The following FHIT variants were observed in gnomAD, a reference collection of about 807,000 sequenced individuals.
FHIT encodes the protein fragile histidine triad diadenosine triphosphatase.
Under a neutral mutation model 17.9 loss-of-function variants are expected in FHIT, and 19 were observed. The ratio of observed to expected loss-of-function variants is 1.06; its 90% CI spans 0.74 to 1.56. FHIT has a LOEUF of 1.56. FHIT is among the 40% of genes most tolerant of loss of function. The probability of loss-of-function intolerance (pLI) is 0.00; values close to 1 mark genes in which losing one functional copy is unlikely to be tolerated. For synonymous variants in FHIT, 81 were observed against 69.7 expected (o/e 1.16, Z -0.81); for missense variants, 248 against 189.2 (o/e 1.31, Z -1.82).
intron 7 of FHIT, among the ~76,000 whole-genome samples, chr3:59,996,350 C>T (rs933788329): frequency 2.0e-5 from 3 of 151,908 alleles, no homozygotes; most frequent in Non-Finnish European, 4.4e-5. Flanking sequence ...AAGATTCACC[C>T]CATCAATTTA....
At chr3:60,290,057 A>G (rs1707911153) in intron 5 of FHIT, among the ~76,000 whole-genome samples, 1 of 152,182 alleles carries the variant, frequency 6.6e-6, no homozygotes, top group Non-Finnish European at 1.5e-5. Context: ...TCTTATCACA[A>G]TACTGTTTCT....
At chr3:60,724,651 T>C (rs1173007062) in intron 4 of FHIT, among the ~76,000 whole-genome samples, 4 of 139,672 alleles carry the variant, frequency 2.9e-5, no homozygotes, top group Non-Finnish European at 6.2e-5. Context: ...CTGTCTGTTT[T>C]TTTTTTTTGT....
chr3:61,080,741 G>C (rs1016604046), intron 2 of FHIT, among the ~76,000 whole-genome samples: 1 of 151,650 alleles, frequency 6.6e-6, no homozygotes, highest in Admixed American at 6.6e-5. Flanking sequence ...TTTTTCTTTC[G>C]GTGCCAAAAA....
At chr3:59,936,322 C>T (rs1052205539) in intron 7 of FHIT, among the ~76,000 whole-genome samples, 1 of 152,120 alleles carries the variant, frequency 6.6e-6, no homozygotes, top group African/African-American at 2.4e-5. Context: ...GTGATTCCCT[C>T]TGGGTGCCTT....
chr3:59,928,521 T>C (rs571503382), intron 7 of FHIT, among the ~76,000 whole-genome samples: 1 of 152,248 alleles, frequency 6.6e-6, no homozygotes, highest in African/African-American at 2.4e-5. Flanking sequence ...CTAAAATACA[T>C]AAAGAACTAC....
intron 5 of FHIT, among the ~76,000 whole-genome samples, chr3:60,082,233 T>A (rs749297420): frequency 7.9e-6 from 1 of 126,222 alleles, no homozygotes; most frequent in Non-Finnish European, 1.7e-5. Flanking sequence ...TATTTGGTTT[T>A]CTGTTCCTGT....
intron 5 of FHIT, among the ~76,000 whole-genome samples, chr3:60,028,107 C>A (rs897306819): frequency 6.6e-6 from 1 of 152,164 alleles, no homozygotes; most frequent in African/African-American, 2.4e-5. Context: ...AGTGGTGGAA[C>A]TGGCACAACT....
At chr3:61,054,591 T>G (rs2034148271) in intron 2 of FHIT, among the ~76,000 whole-genome samples, 1 of 152,188 alleles carries the variant, frequency 6.6e-6, no homozygotes, top group Admixed American at 6.5e-5. Context: ...TTTCAGATAT[T>G]TCTGTATTTC....
intron 7 of FHIT, among the ~76,000 whole-genome samples, chr3:59,947,607 C>A (rs7648647): frequency 0.97 from 147,923 of 152,244 alleles, 72,011 homozygotes; most frequent in East Asian, 1. Flanking sequence ...CAGGGGGCCA[C>A]GGCTTAGCTC....
intron 4 of FHIT, among the ~76,000 whole-genome samples, chr3:60,588,694 G>A (rs547952981): frequency 6.6e-6 from 1 of 152,042 alleles, no homozygotes; most frequent in Admixed American, 6.6e-5. Context: ...TGTTGCCTAG[G>A]CTGGAGTGCG....
rs549783353 is a variant in FHIT, at chr3:60,619,178, C to G, written c.-17-82199G>C. Among the ~76,000 whole-genome samples, 5 of 149,896 alleles carry G rather than the reference C, an allele frequency of 3.3e-5. No individual in the cohort carries two copies. In the South Asian group the frequency reaches 6.2e-4, roughly 19 times the overall value. ...TAGTATCATGTATTTTTTCCTCTTACAAGAGTAATTACATTTAAAAAAGCT... is the reference window on the plus strand; with the variant it reads ...TAGTATCATGTATTTTTTCCTCTTAGAAGAGTAATTACATTTAAAAAAGCT... On this transcript the variant is annotated intron_variant, in intron 4 of 9. Coordinates refer to ENST00000492590, the MANE Select transcript of FHIT (RefSeq NM_002012.4).
At chr3:60,476,759 A>G (rs1285143620) in intron 5 of FHIT, among the ~76,000 whole-genome samples, 1 of 152,146 alleles carries the variant, frequency 6.6e-6, no homozygotes, top group Non-Finnish European at 1.5e-5. Context: ...TATAAGGCGC[A>G]GAACGGGAAT....
intron 4 of FHIT, among the ~76,000 whole-genome samples, chr3:60,577,542 T>C (rs1251418652): frequency 1.2e-4 from 18 of 152,180 alleles, no homozygotes; most frequent in African/African-American, 4.1e-4. Flanking sequence ...TTTAATTTGA[T>C]GGCAGAGTCC....
intron 5 of FHIT, among the ~76,000 whole-genome samples, chr3:60,445,006 T>A (rs1441945751): frequency 2.6e-5 from 4 of 152,178 alleles, no homozygotes; most frequent in Non-Finnish European, 4.4e-5. Context: ...AAAGGAACAG[T>A]GCAATGTTTT....
intron 5 of FHIT, among the ~76,000 whole-genome samples, chr3:60,100,435 T>C (rs1704143299): frequency 6.6e-6 from 1 of 152,166 alleles, no homozygotes; most frequent in Admixed American, 6.5e-5. Context: ...ACTGGTGTCA[T>C]GGTACAAACA....
chr3:60,401,978 G>A (rs1701675646), intron 5 of FHIT, among the ~76,000 whole-genome samples: 2 of 151,994 alleles, frequency 1.3e-5, no homozygotes, highest in Non-Finnish European at 2.9e-5. Flanking sequence ...TGTAATGATG[G>A]CAGCCTTTAA....
chr3:60,038,016 A>AG (rs1332459985), intron 5 of FHIT, among the ~76,000 whole-genome samples: 1 of 152,100 alleles, frequency 6.6e-6, no homozygotes, highest in Admixed American at 6.6e-5. Context: ...ACCTTGCCTC[A>AG]GAGCTACTTC....
At chr3:59,813,611 G>A (rs975909055) in intron 8 of FHIT, among the ~76,000 whole-genome samples, 2 of 151,966 alleles carry the variant, frequency 1.3e-5, no homozygotes, top group Admixed American at 6.5e-5. Flanking sequence ...AAGCTGGGAG[G>A]GTTGTCAAGA....
chr3:61,006,979 T>C (rs9816911), intron 3 of FHIT, among the ~76,000 whole-genome samples: 13,584 of 152,274 alleles, frequency 0.089, 1,450 homozygotes, highest in African/African-American at 0.26. Flanking sequence ...AAATGTTTTA[T>C]CATTTACATT....
Sources: allele counts gnomAD v4.1 joint callset (sites outside exome capture counted in the v4.1 genomes callset), GRCh38; gene constraint gnomAD v4.1.1; transcripts MANE v1.5; gene names NCBI Gene and HGNC (gene_info 2026-07-23, HGNC 2026-07-21).